The following SEMA3A variants were observed in gnomAD, a reference collection of about 807,000 sequenced individuals.
SEMA3A encodes semaphorin-3A.
SEMA3A carries 29 observed loss-of-function variants against 97.9 expected under a neutral mutation model. That is an observed-to-expected ratio of 0.30 (90% CI 0.22 to 0.40). The LOEUF (loss-of-function observed/expected upper bound fraction) is 0.40, where lower values mean the gene tolerates loss of function less well. SEMA3A is among the 10% of genes least tolerant of loss of function. The pLI is 1.00. For missense variants in SEMA3A, 763 were observed against 951.3 expected (o/e 0.80, Z 2.60); for synonymous variants, 321 against 323.7 (o/e 0.99, Z 0.09).
At chr7:84,432,117 T>C (rs1416938431) in intron 1 of SEMA3A, among the ~76,000 whole-genome samples, 1 of 152,026 alleles carries the variant, frequency 6.6e-6, no homozygotes, top group Non-Finnish European at 1.5e-5. Flanking sequence ...TTCACTCTAA[T>C]AATAATAGAT....
chr7:84,151,262 G>A (rs2116119222), intron 1 of SEMA3A, among the ~76,000 whole-genome samples: 1 of 152,088 alleles, frequency 6.6e-6, no homozygotes, highest in Admixed American at 6.6e-5. Flanking sequence ...CGAGCTGAGA[G>A]AAGAAGGCTT....
At chr7:84,253,116 G>A (rs1189626228) in intron 3 of SEMA3A, among the ~76,000 whole-genome samples, 3 of 152,150 alleles carry the variant, frequency 2.0e-5, no homozygotes. Context: ...GATCTCAAGT[G>A]ATCCACCTGC....
Position 84,283,522 on chromosome 7 carries a change from A to G in SEMA3A, c.-83+23685T>C, listed in dbSNP as rs745802898. On this transcript the variant is annotated intron_variant, in intron 3 of 3. Transcript: ENST00000424555. ...ACATAAAGAGGACCAAAAAGTAGAT[A>G]TATTTTACTGAAGAATGTATAGAAG... Among the ~76,000 whole-genome samples, 6 of 152,138 alleles carry G rather than the reference A, an allele frequency of 3.9e-5. No individual in the cohort carries two copies. The South Asian group carries it at 6.2e-4, about 16-fold the overall frequency.
intron 6 of SEMA3A, among the ~76,000 whole-genome samples, chr7:84,031,598 C>T (rs1445367856): frequency 6.6e-6 from 1 of 152,020 alleles, no homozygotes; most frequent in Non-Finnish European, 1.5e-5. Context: ...CTTTGGGAGG[C>T]TGAGGTGGGT....
intron 3 of SEMA3A, among the ~76,000 whole-genome samples, chr7:84,291,358 T>A (rs1800741237): frequency 6.6e-6 from 1 of 152,128 alleles, no homozygotes; most frequent in Admixed American, 6.6e-5. Flanking sequence ...TTCCAACATA[T>A]AATATTTGCA....
At chr7:84,310,457 A>T (rs1293729189) in intron 2 of SEMA3A, among the ~76,000 whole-genome samples, 1 of 152,118 alleles carries the variant, frequency 6.6e-6, no homozygotes, top group African/African-American at 2.4e-5. Flanking sequence ...ATTCCTAACA[A>T]GCATAGTTTT....
In SEMA3A at chr7:84,378,821, G is replaced by T. The variant is rs1338868657; in HGVS notation, c.-245-6921C>A. On this transcript the variant is annotated intron_variant, in intron 1 of 3. Transcript: ENST00000424555. Reference sequence around the variant, plus strand: ...AATGTAAATTGGAAGATTTTATGTGGATCTACATTTATTATTTGTTTTTTT... The same window carrying T: ...AATGTAAATTGGAAGATTTTATGTGTATCTACATTTATTATTTGTTTTTTT... 2.0e-5 allele frequency among the ~76,000 whole-genome samples: 3 copies of T among 151,426 alleles called. No homozygotes were observed. In the East Asian group the frequency reaches 5.8e-4, roughly 29 times the overall value.
intron 5 of SEMA3A, among the ~76,000 whole-genome samples, chr7:84,057,991 A>G (rs1562740774): frequency 6.6e-6 from 1 of 152,160 alleles, no homozygotes; most frequent in Non-Finnish European, 1.5e-5. Context: ...GGAAGAAGTC[A>G]TATTAAACCT....
intron 1 of SEMA3A, among the ~76,000 whole-genome samples, chr7:84,448,764 T>G (rs1209303960): frequency 6.6e-6 from 1 of 151,994 alleles, no homozygotes; most frequent in Admixed American, 6.6e-5. Flanking sequence ...TCCGTGCAAT[T>G]TGTTTGAAAA....
intron 2 of SEMA3A, among the ~76,000 whole-genome samples, chr7:84,318,639 C>T (rs1801573585): frequency 6.6e-6 from 1 of 152,066 alleles, no homozygotes; most frequent in Non-Finnish European, 1.5e-5. Flanking sequence ...TGGTTTTATA[C>T]TCAATGAGAT....
At chr7:84,435,895 A>G (rs1226493114) in intron 1 of SEMA3A, among the ~76,000 whole-genome samples, 1 of 152,188 alleles carries the variant, frequency 6.6e-6, no homozygotes, top group East Asian at 1.9e-4. Flanking sequence ...AAAACAAAAC[A>G]AAGCTGGAGG....
intron 4 of SEMA3A, among the ~76,000 whole-genome samples, chr7:84,066,736 G>A (rs1313659848): frequency 6.6e-6 from 1 of 151,816 alleles, no homozygotes; most frequent in East Asian, 1.9e-4. Flanking sequence ...ACCTCTTCAA[G>A]GAGAACTACA....
intron 1 of SEMA3A, among the ~76,000 whole-genome samples, chr7:84,406,034 G>T (rs985168662): frequency 4.6e-5 from 7 of 152,006 alleles, no homozygotes; most frequent in African/African-American, 1.7e-4. Context: ...CAGAAGGCGA[G>T]AAATAACTAA....
intron 6 of SEMA3A, among the ~76,000 whole-genome samples, chr7:84,027,952 A>C (rs1382780974): frequency 6.6e-6 from 1 of 152,178 alleles, no homozygotes; most frequent in Non-Finnish European, 1.5e-5. Flanking sequence ...ACCACCAAAA[A>C]TCATTTTCTA....
intron 1 of SEMA3A, among the ~76,000 whole-genome samples, chr7:84,392,903 CTA>C (rs57586607): frequency 0.026 from 3,960 of 152,082 alleles, 158 homozygotes; most frequent in African/African-American, 0.089. Context: ...TGTTTTCAGT[CTA>C]TAGAGTTGTT....
intron 1 of SEMA3A, among the ~76,000 whole-genome samples, chr7:84,158,542 A>G (rs911607515): frequency 1.3e-5 from 2 of 152,168 alleles, no homozygotes; most frequent in Admixed American, 1.3e-4. Flanking sequence ...TATTTGCTTC[A>G]GAGCATTTAT....
intron 1 of SEMA3A, among the ~76,000 whole-genome samples, chr7:84,171,946 A>G (rs1797395435): frequency 6.6e-6 from 1 of 152,206 alleles, no homozygotes; most frequent in Non-Finnish European, 1.5e-5. Context: ...GGAGACAACC[A>G]TTAACTTATA....
At chr7:83,996,609 T>C (rs1250396812) in intron 12 of SEMA3A, among the ~76,000 whole-genome samples, 6 of 152,174 alleles carry the variant, frequency 3.9e-5, no homozygotes, top group African/African-American at 7.2e-5. Context: ...CCTTTACTAG[T>C]AATCTTAATT....
chr7:84,007,882 G>A (rs1790729736), intron 9 of SEMA3A, among the ~76,000 whole-genome samples: 1 of 152,108 alleles, frequency 6.6e-6, no homozygotes, highest in African/African-American at 2.4e-5. Flanking sequence ...ACTGAAACCA[G>A]GAAACTTTTA....
Sources: allele counts gnomAD v4.1 joint callset (sites outside exome capture counted in the v4.1 genomes callset), GRCh38; gene constraint gnomAD v4.1.1; transcripts MANE v1.5; gene names NCBI Gene and HGNC (gene_info 2026-07-23, HGNC 2026-07-21).